CCSER1: variants seen among roughly 807,000 people sequenced by gnomAD.
The protein encoded by CCSER1 is coiled-coil serine rich protein 1, also known as serine-rich coiled-coil domain-containing protein 1.
CCSER1 carries 41 observed loss-of-function variants against 82.0 expected under a neutral mutation model. The ratio of observed to expected loss-of-function variants is 0.50; its 90% CI spans 0.39 to 0.65. CCSER1 has a LOEUF of 0.65. Among genes scored for constraint, CCSER1 ranks in the 30% least tolerant of loss-of-function variants. The pLI is 0.00. For missense variants in CCSER1, 1,119 were observed against 1,064.2 expected (o/e 1.05, Z -0.72); for synonymous variants, 414 against 383.9 (o/e 1.08, Z -0.92).
At chr4:91,441,927 C>G (rs1755184483) in intron 10 of CCSER1, among the ~76,000 whole-genome samples, 1 of 152,000 alleles carries the variant, frequency 6.6e-6, no homozygotes, top group African/African-American at 2.4e-5. Context: ...ATGTGAAGGA[C>G]CTCTTCAAGG....
At chr4:90,148,674 G>T (rs1726262535) in intron 1 of CCSER1, among the ~76,000 whole-genome samples, 1 of 152,110 alleles carries the variant, frequency 6.6e-6, no homozygotes, top group African/African-American at 2.4e-5. Flanking sequence ...GAACCTCACT[G>T]TACAATTATT....
At chr4:90,582,501 A>G (rs975873144) in intron 5 of CCSER1, among the ~76,000 whole-genome samples, 2 of 152,258 alleles carry the variant, frequency 1.3e-5, no homozygotes, top group Non-Finnish European at 2.9e-5. Flanking sequence ...AGCAAATTAA[A>G]TAATGACTAT....
intron 7 of CCSER1, among the ~76,000 whole-genome samples, chr4:90,793,434 A>G (rs1755541609): frequency 6.6e-6 from 1 of 152,148 alleles, no homozygotes; most frequent in South Asian, 2.1e-4. Flanking sequence ...AACATGCAGT[A>G]TTTGGTTTTC....
chr4:91,219,523 G>T (rs1178567563), intron 10 of CCSER1, among the ~76,000 whole-genome samples: 1 of 151,910 alleles, frequency 6.6e-6, no homozygotes, highest in African/African-American at 2.4e-5. Context: ...GGCTGGTCTC[G>T]AACTCCTGAC....
At chr4:90,780,349 T>G in intron 7 of CCSER1, 1 of 1,277,968 alleles carries the variant, frequency 7.8e-7, no homozygotes, top group Non-Finnish European at 1.1e-6. Context: ...TTTAAGAACA[T>G]TTAAGTTTCA....
At chr4:91,406,842 CT>C (rs1752734861) in intron 10 of CCSER1, among the ~76,000 whole-genome samples, 1 of 151,932 alleles carries the variant, frequency 6.6e-6, no homozygotes. Flanking sequence ...TTTCTAAGTC[CT>C]CAGTTTTTTT....
intron 10 of CCSER1, among the ~76,000 whole-genome samples, chr4:91,155,969 A>G (rs920313447): frequency 6.6e-6 from 1 of 151,836 alleles, no homozygotes; most frequent in Non-Finnish European, 1.5e-5. Context: ...TTACATTATT[A>G]TTATTTTAAC....
chr4:91,535,239 T>C (rs1296932180), intron 10 of CCSER1, among the ~76,000 whole-genome samples: 2 of 151,996 alleles, frequency 1.3e-5, no homozygotes, highest in Non-Finnish European at 2.9e-5. Flanking sequence ...TAATGTAAGC[T>C]CTGAATATTG....
intron 10 of CCSER1, among the ~76,000 whole-genome samples, chr4:91,091,048 A>G (rs761760275): frequency 6.6e-6 from 1 of 152,148 alleles, no homozygotes; most frequent in Non-Finnish European, 1.5e-5. Flanking sequence ...ATGACACATG[A>G]CCAGTACCCA....
At chr4:91,079,444 C>T (rs537113819) in intron 9 of CCSER1, among the ~76,000 whole-genome samples, 2 of 152,158 alleles carry the variant, frequency 1.3e-5, no homozygotes, top group Non-Finnish European at 2.9e-5. Context: ...TAGAAAGGAA[C>T]ATCTGGTACC....
intron 10 of CCSER1, among the ~76,000 whole-genome samples, chr4:91,514,156 CT>C (rs1759976280): frequency 1.3e-5 from 2 of 152,098 alleles, no homozygotes; most frequent in South Asian, 4.1e-4. Context: ...TATGTTGTAT[CT>C]CTGTTTTCAC....
intron 7 of CCSER1, among the ~76,000 whole-genome samples, chr4:90,749,409 G>A (rs1748164299): frequency 6.6e-6 from 1 of 151,550 alleles, no homozygotes; most frequent in Non-Finnish European, 1.5e-5. Flanking sequence ...CTCTGTTTTG[G>A]TACCAGTACC....
At chr4:91,178,547 C>T (rs1733652301) in intron 10 of CCSER1, among the ~76,000 whole-genome samples, 1 of 152,134 alleles carries the variant, frequency 6.6e-6, no homozygotes, top group Non-Finnish European at 1.5e-5. Flanking sequence ...GAATTGATCC[C>T]TTTACCATTA....
intron 1 of CCSER1, among the ~76,000 whole-genome samples, chr4:90,279,548 T>C (rs1192753159): frequency 6.6e-6 from 1 of 152,060 alleles, no homozygotes; most frequent in African/African-American, 2.4e-5. Flanking sequence ...GTACTACCTC[T>C]GGTATTTGCA....
At position 91,517,452 on chromosome 4, in the gene CCSER1, T is replaced by C. The variant is rs572785779; in HGVS notation, c.2218-81120T>C. Among the ~76,000 whole-genome samples the C allele has an allele frequency of 3.9e-5, 6 of 152,318 alleles. No homozygotes were observed. The South Asian group carries it at 8.3e-4, about 21-fold the overall frequency. ...TTTTCTGCATCTATTTAGATAATCA[T>C]GTGTATTTTGTCTTTAGTCAGTTTG... On this transcript the variant is annotated intron_variant, in intron 10 of 10. Transcript: ENST00000509176.
chr4:90,991,599 T>A (rs1292935948), intron 9 of CCSER1, among the ~76,000 whole-genome samples: 1 of 151,990 alleles, frequency 6.6e-6, no homozygotes, highest in African/African-American at 2.4e-5. Context: ...TACATTTTCC[T>A]CTTCTAAGGA....
intron 10 of CCSER1, among the ~76,000 whole-genome samples, chr4:91,189,957 T>G (rs1734868371): frequency 6.6e-6 from 1 of 152,246 alleles, no homozygotes. Flanking sequence ...TTTACTCTTC[T>G]GTCCTATGAG....
chr4:90,918,990 C>T (rs1330632472), intron 8 of CCSER1, among the ~76,000 whole-genome samples: 2 of 148,514 alleles, frequency 1.3e-5, no homozygotes, highest in African/African-American at 2.5e-5. Context: ...CTCCAAAATG[C>T]ATTGCTGATG....
chr4:90,771,631 T>C (rs1449575841), intron 7 of CCSER1, among the ~76,000 whole-genome samples: 3 of 151,636 alleles, frequency 2.0e-5, no homozygotes, highest in African/African-American at 7.3e-5. Flanking sequence ...ACTATTTTTA[T>C]TACAAACAAC....
Sources: allele counts gnomAD v4.1 joint callset (sites outside exome capture counted in the v4.1 genomes callset), GRCh38; gene constraint gnomAD v4.1.1; transcripts MANE v1.5; gene names NCBI Gene and HGNC (gene_info 2026-07-23, HGNC 2026-07-21).